Variants in SPRY3 observed in about 807,000 individuals in gnomAD.
SPRY3 encodes sprouty RTK signaling antagonist 3, also known as protein sprouty homolog 3.
SPRY3 carries 15 observed loss-of-function variants against 20.2 expected under a neutral mutation model. That is an observed-to-expected ratio of 0.74 (90% CI 0.50 to 1.14). The LOEUF is 1.14. Among genes scored for constraint, SPRY3 ranks in the 50% most tolerant of loss-of-function variants. The pLI, the probability that SPRY3 is intolerant of heterozygous loss-of-function variation, is 0.00. For synonymous variants in SPRY3, 143 were observed against 136.5 expected (o/e 1.05, Z -0.33); for missense variants, 364 against 363.9 (o/e 1.00, Z 0.00).
intron 2 of SPRY3, among the ~76,000 whole-genome samples, chrX:155,767,131 T>TG (rs1300563705): frequency 6.6e-6 from 1 of 151,960 alleles, no homozygotes; most frequent in Non-Finnish European, 1.5e-5. Context: ...GAGATTCCTA[T>TG]GGGGAGTTTT....
chrX:155,734,455 A>G (rs1455839259), intron 2 of SPRY3, among the ~76,000 whole-genome samples: 2 of 152,104 alleles, frequency 1.3e-5, no homozygotes, highest in African/African-American at 4.8e-5. Context: ...AACGTCAAAG[A>G]TAATTGAATA....
At chrX:155,768,698 A>G (rs1403833404) in intron 3 of SPRY3, among the ~76,000 whole-genome samples, 1 of 152,172 alleles carries the variant, frequency 6.6e-6, no homozygotes, top group Non-Finnish European at 1.5e-5. Flanking sequence ...AAATCTCTGT[A>G]TCCGTGCCTG....
intron 2 of SPRY3, among the ~76,000 whole-genome samples, chrX:155,765,340 C>G (rs1244394181): frequency 1.3e-5 from 2 of 152,162 alleles, no homozygotes; most frequent in Non-Finnish European, 2.9e-5. Flanking sequence ...AAACTGCCAA[C>G]TGTGTAACCT....
intron 2 of SPRY3, among the ~76,000 whole-genome samples, chrX:155,724,380 T>C (rs907230102): frequency 3.9e-5 from 6 of 152,186 alleles, no homozygotes; most frequent in African/African-American, 1.4e-4. Context: ...TTGGGCAGTA[T>C]GGCTATTTTC....
chrX:155,630,291 T>C (rs2067901877), intron 1 of SPRY3, among the ~76,000 whole-genome samples: 1 of 112,282 alleles, frequency 8.9e-6, no homozygotes, highest in Non-Finnish European at 1.9e-5. Flanking sequence ...ATTCTGAATT[T>C]GACTATGTCC....
At chrX:155,636,592 TGTATGTAC>T (rs1409588698) in intron 1 of SPRY3, among the ~76,000 whole-genome samples, 3 of 90,473 alleles carry the variant, frequency 3.3e-5, no homozygotes, top group Non-Finnish European at 4.9e-5. Context: ...TATGTATGTA[TGTATGTAC>T]GTATTATATA....
chrX:155,773,611 T>G (rs2091398030), intron 3 of SPRY3, among the ~76,000 whole-genome samples, 155 bp from the exon 3 acceptor site: 1 of 152,010 alleles, frequency 6.6e-6, no homozygotes, highest in African/African-American at 2.4e-5. Flanking sequence ...TATAAAGAAG[T>G]AAGTGAGGTT....
chrX:155,767,706 A>AAGAGGCG (rs1556228866), intron 2 of SPRY3: 4 of 44,558 alleles, frequency 9.0e-5, no homozygotes, highest in Admixed American at 3.3e-4. Context: ...AGGAGAAAGA[A>AAGAGGCG]GAGGAGGAGG....
At chrX:155,738,712 G>A (rs1001913214) in intron 2 of SPRY3, among the ~76,000 whole-genome samples, 1 of 152,150 alleles carries the variant, frequency 6.6e-6, no homozygotes, top group Non-Finnish European at 1.5e-5. Context: ...TTTGCAACCT[G>A]CAGATCAGGA....
intron 2 of SPRY3, among the ~76,000 whole-genome samples, chrX:155,729,377 T>C (rs1010753378): frequency 6.6e-5 from 10 of 152,084 alleles, no homozygotes; most frequent in African/African-American, 2.4e-4. Flanking sequence ...CTGACCACAA[T>C]GGAATAAAAC....
At chrX:155,722,541 A>C (rs911859026) in intron 2 of SPRY3, among the ~76,000 whole-genome samples, 2 of 152,174 alleles carry the variant, frequency 1.3e-5, no homozygotes, top group South Asian at 2.1e-4. Context: ...TAATTAATTA[A>C]AGCAAGAAAT....
intron 1 of SPRY3, among the ~76,000 whole-genome samples, chrX:155,633,268 C>T (rs921936489): frequency 1.1e-4 from 12 of 106,129 alleles, no homozygotes; most frequent in South Asian, 4.4e-4. Context: ...AGGCCGGGCA[C>T]GGTGGCTCAC....
At chrX:155,756,099 T>G (rs777804486) in intron 2 of SPRY3, among the ~76,000 whole-genome samples, 16 of 152,092 alleles carry the variant, frequency 1.1e-4, no homozygotes, top group African/African-American at 3.9e-4. Context: ...GGATGTCAGT[T>G]CTGAAAATAA....
chrX:155,649,612 A>G (rs2067969431), intron 1 of SPRY3, among the ~76,000 whole-genome samples: 1 of 111,484 alleles, frequency 9.0e-6, no homozygotes, highest in Admixed American at 9.5e-5. Flanking sequence ...TATTGATGGA[A>G]CATATCTCAA....
chrX:155,775,021 C>G (rs1264597597), exon 4 of SPRY3: 1 of 510,924 alleles, frequency 2.0e-6, no homozygotes, highest in Non-Finnish European at 3.5e-6. Flanking sequence ...GGTTTGAACA[C>G]TGAGGACTGA....
At chrX:155,732,668 G>T (rs1380122830) in intron 2 of SPRY3, among the ~76,000 whole-genome samples, 2 of 149,696 alleles carry the variant, frequency 1.3e-5, no homozygotes, top group Admixed American at 6.6e-5. Flanking sequence ...CAAAGGAAAA[G>T]AAATCAGTAT....
At chrX:155,669,579 T>G (rs969910824) in intron 2 of SPRY3, among the ~76,000 whole-genome samples, 1 of 111,261 alleles carries the variant, frequency 9.0e-6, no homozygotes, top group African/African-American at 3.2e-5. Context: ...ATTAGACAAT[T>G]GAATCAAGTG....
At chrX:155,771,060 T>C (rs1195890324) in intron 3 of SPRY3, among the ~76,000 whole-genome samples, 1 of 152,190 alleles carries the variant, frequency 6.6e-6, no homozygotes, top group Non-Finnish European at 1.5e-5. Flanking sequence ...TCTAAGTTCA[T>C]CCTGTCAGTT....
chrX:155,697,500 T>TAC (rs35884004), intron 2 of SPRY3, among the ~76,000 whole-genome samples: 9,677 of 96,573 alleles, frequency 0.1, 554 homozygotes, highest in African/African-American at 0.21. Context: ...ATTATACACA[T>TAC]ACACACACAC....
Sources: gnomAD v4.1 joint callset for allele counts (sites outside exome capture counted in the v4.1 genomes callset) on GRCh38, gnomAD v4.1.1 for gene constraint, MANE v1.5 for transcripts, NCBI Gene and HGNC (gene_info 2026-07-23, HGNC 2026-07-21) for gene names.